Variants in NECTIN3 observed in about 807,000 individuals in gnomAD.
The protein encoded by NECTIN3 is nectin-3.
NECTIN3 carries 8 observed loss-of-function variants against 49.4 expected under a neutral mutation model. The ratio of observed to expected loss-of-function variants is 0.16; its 90% CI spans 0.10 to 0.29. NECTIN3 has a LOEUF of 0.29. Ranked by LOEUF, NECTIN3 falls within the 10% of genes least tolerant of loss-of-function variation. The pLI, the probability that NECTIN3 is intolerant of heterozygous loss-of-function variation, is 1.00. For synonymous variants in NECTIN3, 277 were observed against 241.1 expected (o/e 1.15, Z -1.38); for missense variants, 581 against 654.6 (o/e 0.89, Z 1.23).
intron 4 of NECTIN3, among the ~76,000 whole-genome samples, chr3:111,123,731 A>C (rs1386698039): frequency 5.3e-5 from 8 of 152,112 alleles, no homozygotes; most frequent in Non-Finnish European, 8.8e-5. Context: ...CTTTGGACCA[A>C]ATTGGCTGCT....
At chr3:111,133,050 A>G (rs2034449417) in intron 5 of NECTIN3, among the ~76,000 whole-genome samples, 1 of 151,722 alleles carries the variant, frequency 6.6e-6, no homozygotes. Flanking sequence ...AATATTTTTG[A>G]GAGAATTATT....
chr3:111,091,558 T>C (rs2032275446), intron 1 of NECTIN3, among the ~76,000 whole-genome samples: 1 of 152,176 alleles, frequency 6.6e-6, no homozygotes, highest in East Asian at 1.9e-4. Context: ...CCGGCCAATG[T>C]GTAGTCTTTT....
In NECTIN3 at chr3:111,135,262, T is replaced by G; in HGVS notation, c.*1047T>G. On this transcript the variant is annotated 3_prime_UTR_variant, in exon 6 of 6. Coordinates refer to ENST00000485303, the MANE Select transcript of NECTIN3 (RefSeq NM_015480.3). The stretch of plus-strand genomic sequence containing the variant: ...AACTTTGGATATAACTAGAAAAAAC[T>G]AGATTATAGAATTAGTCGGTAACAC... 2.1e-6 allele frequency: 2 copies of G among 968,944 alleles called. No homozygotes were observed. Among genetic ancestry groups the G allele is most frequent in the Non-Finnish European group, 2.5e-6 (2 of 815,330 alleles). 60.0% of individuals were successfully genotyped at this position (968,944 alleles called of 1,614,324 possible).
intron 1 of NECTIN3, among the ~76,000 whole-genome samples, chr3:111,086,245 C>T (rs1260004961): frequency 2.0e-5 from 3 of 152,214 alleles, no homozygotes; most frequent in South Asian, 2.1e-4. Context: ...GGCCATTTCA[C>T]TCTGTGAATG....
chr3:111,132,587 A>G (rs2034433462), intron 5 of NECTIN3, among the ~76,000 whole-genome samples: 1 of 151,934 alleles, frequency 6.6e-6, no homozygotes, highest in Non-Finnish European at 1.5e-5. Context: ...ATGACCTATA[A>G]ATACTACTTA....
At chr3:111,106,137 T>G (rs967950793) in intron 1 of NECTIN3, among the ~76,000 whole-genome samples, 4 of 152,300 alleles carry the variant, frequency 2.6e-5, no homozygotes, top group East Asian at 3.9e-4. Flanking sequence ...AATGTTAGAA[T>G]GCACTATGGA....
At chr3:111,087,228 T>C (rs149350028) in intron 1 of NECTIN3, among the ~76,000 whole-genome samples, 1 of 152,290 alleles carries the variant, frequency 6.6e-6, no homozygotes, top group Non-Finnish European at 1.5e-5. Flanking sequence ...CTTTACCTTA[T>C]TGCACTGGCT....
intron 1 of NECTIN3, 153 bp from the exon 2 acceptor site, chr3:111,111,877 G>A (rs2033473594): frequency 1.8e-6 from 1 of 568,604 alleles, no homozygotes; most frequent in Non-Finnish European, 3.1e-6. Context: ...TGGTGCGTGT[G>A]AGTGCATGTG....
chr3:111,167,559 G>A (rs1321537664), intron 7 of NECTIN3, among the ~76,000 whole-genome samples: 3 of 152,132 alleles, frequency 2.0e-5, no homozygotes, highest in Non-Finnish European at 4.4e-5. Flanking sequence ...TTTATATTGA[G>A]TATAAAAGCT....
At chr3:111,137,799 GT>G (rs1192772312), downstream of NECTIN3, among the ~76,000 whole-genome samples, 1 of 144,304 alleles carries the variant, frequency 6.9e-6, no homozygotes, top group Non-Finnish European at 1.5e-5. Context: ...TGGTGGTTGG[GT>G]TTTTTTCTTC....
chr3:111,126,754 G>A (rs1433142345), intron 5 of NECTIN3, among the ~76,000 whole-genome samples: 1 of 152,090 alleles, frequency 6.6e-6, no homozygotes, highest in African/African-American at 2.4e-5. Flanking sequence ...TTGATGGCTT[G>A]TTAAATAGCG....
intron 7 of NECTIN3, among the ~76,000 whole-genome samples, chr3:111,154,391 A>G (rs1159059269): frequency 1.3e-5 from 2 of 152,082 alleles, no homozygotes; most frequent in African/African-American, 4.8e-5. Flanking sequence ...CATTTTGTTT[A>G]TATATTTATC....
chr3:111,077,344 TAAAAA>T (rs10667346), intron 1 of NECTIN3: 44 of 80,258 alleles, frequency 5.5e-4, no homozygotes, highest in South Asian at 2.5e-3. Context: ...ACTTTAATGG[TAAAAA>T]AAAAAAAAAA....
intron 1 of NECTIN3, among the ~76,000 whole-genome samples, chr3:111,111,148 G>C (rs1009916525): frequency 6.6e-6 from 1 of 152,038 alleles, no homozygotes; most frequent in Non-Finnish European, 1.5e-5. Flanking sequence ...CCAAGGACTT[G>C]TTATACATAT....
rs2034567520 is a variant in NECTIN3, at chr3:111,136,154, C to T, written c.*1939C>T. 3.1e-6 allele frequency: 3 copies of T among 979,748 alleles called. No homozygotes were observed. In the South Asian group the frequency reaches 1.4e-4, roughly 46 times the overall value. 60.7% of individuals were successfully genotyped at this position (979,748 alleles called of 1,614,324 possible). ...GTAAAACTATGGCTTTTTTTAAAAT[C>T]AAAATTTCATCTTTTAAAATAATGG... is the stretch of plus-strand genomic sequence containing the variant. On this transcript the variant is annotated 3_prime_UTR_variant, in exon 6 of 6. Coordinates refer to ENST00000485303, the MANE Select transcript of NECTIN3 (RefSeq NM_015480.3).
At chr3:111,096,149 TG>T (rs2032572404) in intron 1 of NECTIN3, among the ~76,000 whole-genome samples, 1 of 152,112 alleles carries the variant, frequency 6.6e-6, no homozygotes, top group African/African-American at 2.4e-5. Context: ...CAGGCTGAGG[TG>T]GTCTCAGATG....
At chr3:111,124,867 A>G (rs2034096372) in intron 4 of NECTIN3, among the ~76,000 whole-genome samples, 1 of 152,120 alleles carries the variant, frequency 6.6e-6, no homozygotes, top group African/African-American at 2.4e-5. Flanking sequence ...TTACTTCTGT[A>G]TCTCAGCACC....
At chr3:111,151,033 A>C (rs527629413) in intron 7 of NECTIN3, among the ~76,000 whole-genome samples, 1 of 151,984 alleles carries the variant, frequency 6.6e-6, no homozygotes, top group South Asian at 2.1e-4. Flanking sequence ...GCTGTTGTAA[A>C]CTGTAAGCAG....
Position 111,135,363 on chromosome 3 carries a change from G to A in NECTIN3, c.*1148G>A, listed in dbSNP as rs72937928. Reference sequence around the variant, plus strand: ...TGTGTTTTAAGATTTCTGTTTTTACGATTAAAACTGGAAACATGAGGTTTT... The same window carrying A: ...TGTGTTTTAAGATTTCTGTTTTTACAATTAAAACTGGAAACATGAGGTTTT... On this transcript the variant is annotated 3_prime_UTR_variant, in exon 6 of 6. Transcript: ENST00000485303. The A allele has an allele frequency of 4.3e-6, 4 of 936,896 alleles. No homozygotes were observed. The highest frequency in any genetic ancestry group is 3.8e-6 in the Non-Finnish European group (3 of 786,370). 58.0% of individuals were successfully genotyped at this position (936,896 alleles called of 1,614,324 possible). A position where few individuals can be genotyped will look rare whatever the true frequency, so the allele number is the denominator to read the frequency against.
Sources: gnomAD v4.1 joint callset for allele counts (sites outside exome capture counted in the v4.1 genomes callset) on GRCh38, gnomAD v4.1.1 for gene constraint, MANE v1.5 for transcripts, NCBI Gene and HGNC (gene_info 2026-07-23, HGNC 2026-07-21) for gene names.